FRMPD4: variants seen among roughly 807,000 people sequenced by gnomAD.
FRMPD4 encodes FERM and PDZ domain-containing protein 4.
Under a neutral mutation model 94.1 loss-of-function variants are expected in FRMPD4, and 22 were observed. The observed-to-expected ratio is 0.23, with a 90% confidence interval of 0.17 to 0.33. FRMPD4 has a LOEUF of 0.33. FRMPD4 is among the 10% of genes least tolerant of loss of function. The probability of loss-of-function intolerance (pLI) is 1.00; values close to 1 mark genes in which losing one functional copy is unlikely to be tolerated. For missense variants in FRMPD4, 1,111 were observed against 1,339.9 expected (o/e 0.83, Z 2.67); for synonymous variants, 631 against 548.6 (o/e 1.15, Z -2.10).
chrX:12,469,394 C>A lies in FRMPD4; in HGVS notation c.42-29286C>A, dbSNP rs777701468. 2.7e-5 allele frequency among the ~76,000 whole-genome samples: 3 copies of A among 111,015 alleles called. No homozygotes were observed. The East Asian group carries it at 8.5e-4, about 31-fold the overall frequency. On this transcript the variant is annotated intron_variant, in intron 1 of 16. Coordinates refer to ENST00000675598, the MANE Select transcript of FRMPD4 (RefSeq NM_001368397.1). ...CCTCCCAAGTAGCTGGGATTACCGG[C>A]GCACACTGCCTTGCCCAGCTAATTT...
chrX:12,283,510 TCTAA>T (rs767285780), intron 1 of FRMPD4, among the ~76,000 whole-genome samples: 4 of 112,516 alleles, frequency 3.6e-5, no homozygotes, highest in African/African-American at 9.7e-5. Context: ...GATGTTTTAG[TCTAA>T]CTATCATTTT....
chrX:12,309,893 G>T (rs1449864383), intron 1 of FRMPD4, among the ~76,000 whole-genome samples: 1 of 112,375 alleles, frequency 8.9e-6, no homozygotes, highest in African/African-American at 3.2e-5. Context: ...TGTGAGAGTT[G>T]CTGATTGAAT....
chrX:11,873,312 G>T (rs1363231962), intron 2 of FRMPD4, among the ~76,000 whole-genome samples: 1 of 110,585 alleles, frequency 9.0e-6, no homozygotes, highest in Non-Finnish European at 1.9e-5. Flanking sequence ...CATATTATAC[G>T]ATCATCTATG....
At chrX:12,689,802 T>G (rs773419885) in intron 7 of FRMPD4, among the ~76,000 whole-genome samples, 114 of 112,962 alleles carry the variant, frequency 1.0e-3, no homozygotes, top group African/African-American at 3.5e-3. Flanking sequence ...TTTCCAACCC[T>G]TGGGGCAGAC....
intron 3 of FRMPD4, among the ~76,000 whole-genome samples, chrX:12,035,221 G>A (rs12856355): frequency 8.9e-6 from 1 of 111,880 alleles, no homozygotes; most frequent in Non-Finnish European, 1.9e-5. Context: ...ATTTTGGAGA[G>A]TCTTTCCCCC....
chrX:12,576,976 A>G (rs1194083475), intron 2 of FRMPD4, among the ~76,000 whole-genome samples: 1 of 111,831 alleles, frequency 8.9e-6, no homozygotes, highest in Non-Finnish European at 1.9e-5. Context: ...ATAGTTGTCA[A>G]TTTAAGGCTC....
intron 3 of FRMPD4, among the ~76,000 whole-genome samples, chrX:12,105,357 T>C (rs1042729602): frequency 1.8e-5 from 2 of 112,640 alleles, no homozygotes; most frequent in Middle Eastern, 4.6e-3. Context: ...TTTATTAATC[T>C]TTCCATTAAG....
intron 1 of FRMPD4, among the ~76,000 whole-genome samples, chrX:12,169,448 CAT>C (rs755853620): frequency 7.2e-5 from 8 of 111,802 alleles, no homozygotes; most frequent in African/African-American, 1.9e-4. Flanking sequence ...TAAATTAAGA[CAT>C]GTGTTTTTAT....
At chrX:12,643,257 C>A (rs1230256082) in intron 4 of FRMPD4, among the ~76,000 whole-genome samples, 3 of 109,703 alleles carry the variant, frequency 2.7e-5, no homozygotes, top group African/African-American at 1.0e-4. Flanking sequence ...CCTGCCTCAG[C>A]CTCCTGAGTA....
intron 1 of FRMPD4, among the ~76,000 whole-genome samples, chrX:12,193,774 G>GAAAGAAAGAAAGAAAGAAAGAAA (rs748805072): frequency 0.01 from 258 of 24,666 alleles, 16 homozygotes; most frequent in East Asian, 0.053. Flanking sequence ...AAGAAAGAAA[G>GAAAGAAAGAAAGAAAGAAAGAAA]GAAGGAAGGA....
intron 2 of FRMPD4, among the ~76,000 whole-genome samples, chrX:12,502,892 C>A (rs1423462778): frequency 8.9e-6 from 1 of 112,156 alleles, no homozygotes; most frequent in African/African-American, 3.2e-5. Flanking sequence ...GGGTATCATT[C>A]TGAAGTAATT....
chrX:12,286,031 G>A (rs746694776), intron 1 of FRMPD4, among the ~76,000 whole-genome samples: 52 of 111,872 alleles, frequency 4.6e-4, no homozygotes, highest in African/African-American at 1.7e-3. Flanking sequence ...GCTGACCTTC[G>A]CAGGCAACAA....
chrX:12,521,218 G>A (rs746380366), intron 2 of FRMPD4, among the ~76,000 whole-genome samples: 9 of 112,080 alleles, frequency 8.0e-5, no homozygotes, highest in Middle Eastern at 4.6e-3. Context: ...GCAGACTCCC[G>A]TTCTAGAGAA....
At chrX:12,289,484 A>ATT (rs1224788197) in intron 1 of FRMPD4, among the ~76,000 whole-genome samples, 2 of 112,099 alleles carry the variant, frequency 1.8e-5, no homozygotes, top group Non-Finnish European at 3.8e-5. Context: ...ACAGATAGCT[A>ATT]GTGGTCATCA....
intron 1 of FRMPD4, among the ~76,000 whole-genome samples, chrX:12,386,611 C>T (rs893389220): frequency 9.0e-6 from 1 of 111,566 alleles, no homozygotes; most frequent in Non-Finnish European, 1.9e-5. Flanking sequence ...CTTGTTTTAC[C>T]GTAGCCGACT....
chrX:11,911,856 G>C (rs918852565), intron 3 of FRMPD4, among the ~76,000 whole-genome samples: 1 of 112,075 alleles, frequency 8.9e-6, no homozygotes, highest in African/African-American at 3.2e-5. Flanking sequence ...AAATAACCAA[G>C]GTGAGCCAAA....
At chrX:12,124,436 T>C (rs1428549984) in intron 3 of FRMPD4, among the ~76,000 whole-genome samples, 1 of 112,015 alleles carries the variant, frequency 8.9e-6, no homozygotes, top group Non-Finnish European at 1.9e-5. Context: ...GAAGGGCCTA[T>C]TTCATAATTT....
At chrX:12,509,385 G>A (rs1056922008) in intron 2 of FRMPD4, among the ~76,000 whole-genome samples, 1 of 111,941 alleles carries the variant, frequency 8.9e-6, no homozygotes, top group Non-Finnish European at 1.9e-5. Flanking sequence ...ATATATATAC[G>A]ATGGAATACT....
At chrX:12,366,583 T>C (rs1181322769) in intron 1 of FRMPD4, among the ~76,000 whole-genome samples, 3 of 112,109 alleles carry the variant, frequency 2.7e-5, no homozygotes, top group African/African-American at 9.7e-5. Context: ...TATTCATTTA[T>C]CAGAAATGAT....
Sources: allele counts gnomAD v4.1 joint callset (sites outside exome capture counted in the v4.1 genomes callset), GRCh38; gene constraint gnomAD v4.1.1; transcripts MANE v1.5; gene names NCBI Gene and HGNC (gene_info 2026-07-23, HGNC 2026-07-21).